Variants in LRRC37A2 observed in about 807,000 individuals in gnomAD.
LRRC37A2 encodes leucine-rich repeat-containing protein 37A2.
A neutral mutation model predicts 68.8 loss-of-function variants in LRRC37A2; 9 were observed. The observed-to-expected ratio is 0.13, with a 90% confidence interval of 0.08 to 0.23. LRRC37A2 has a LOEUF of 0.23. Ranked by LOEUF, LRRC37A2 falls within the 10% of genes least tolerant of loss-of-function variation. LRRC37A2 has a pLI of 1.00. For synonymous variants in LRRC37A2, 63 were observed against 367.6 expected (o/e 0.17, Z 9.48); for missense variants, 168 against 950.4 (o/e 0.18, Z 10.82).
the LRRC37A2 span, chr17:46,851,537 G>A: frequency 8.9e-6 from 5 of 562,874 alleles, no homozygotes; most frequent in Non-Finnish European, 1.3e-5. This position sits in a 1 kb window ranked among gnomAD's most constrained non-coding sequence, Gnocchi z 4.3. Context: ...AGCGCCGCCT[G>A]CCCCGCCCCA....
chr17:46,868,566 A>G, the LRRC37A2 span, among the ~76,000 whole-genome samples: 6 of 152,232 alleles, frequency 3.9e-5, no homozygotes, highest in African/African-American at 1.4e-4. Flanking sequence ...ACTGCACTCC[A>G]GCCTGGGTGA....
At chr17:47,027,586 T>C in the LRRC37A2 span, 22 of 1,356,728 alleles carry the variant, frequency 1.6e-5, no homozygotes, top group Admixed American at 5.1e-5. Context: ...ATACAGTCTA[T>C]TGAAAGACAT....
chr17:46,773,443 CCTT>C, the LRRC37A2 span, among the ~76,000 whole-genome samples: 83 of 152,286 alleles, frequency 5.5e-4, no homozygotes, highest in African/African-American at 1.9e-3. Context: ...AAGTCTGTGG[CCTT>C]CTTGGTGTCG....
the LRRC37A2 span, among the ~76,000 whole-genome samples, chr17:46,905,718 G>A: frequency 6.6e-6 from 1 of 152,030 alleles, no homozygotes; most frequent in Non-Finnish European, 1.5e-5. Context: ...GCCTGGAACA[G>A]CCCCCTGGAA....
chr17:47,022,648 T>G, the LRRC37A2 span, among the ~76,000 whole-genome samples: 1 of 152,240 alleles, frequency 6.6e-6, no homozygotes, highest in East Asian at 1.9e-4. Flanking sequence ...GTTTTGTGGT[T>G]TTTAAAATTT....
the LRRC37A2 span, among the ~76,000 whole-genome samples, chr17:46,879,475 C>T: frequency 6.6e-6 from 1 of 152,364 alleles, no homozygotes; most frequent in African/African-American, 2.4e-5. Flanking sequence ...ATGATAATGA[C>T]AACGAGAATT....
the LRRC37A2 span, among the ~76,000 whole-genome samples, chr17:46,903,696 T>C: frequency 6.7e-6 from 1 of 149,512 alleles, no homozygotes; most frequent in Non-Finnish European, 1.5e-5. Flanking sequence ...TATGGGTGGG[T>C]GGCTTAATGG....
At chr17:46,971,492 A>G in the LRRC37A2 span, among the ~76,000 whole-genome samples, 1 of 152,116 alleles carries the variant, frequency 6.6e-6, no homozygotes, top group African/African-American at 2.4e-5. Context: ...GCCCCACCCT[A>G]GCCTGGCCTA....
chr17:47,002,789 C>A, the LRRC37A2 span, among the ~76,000 whole-genome samples: 1 of 151,864 alleles, frequency 6.6e-6, no homozygotes, highest in Non-Finnish European at 1.5e-5. Context: ...TTTTTGTACC[C>A]ATTAACCATC....
the LRRC37A2 span, among the ~76,000 whole-genome samples, chr17:46,891,086 A>AG: frequency 0.046 from 7,026 of 152,190 alleles, 233 homozygotes; most frequent in African/African-American, 0.088. Context: ...GAGAGACAGG[A>AG]GGGCGACCCC....
At chr17:46,621,325 T>C in the LRRC37A2 span, among the ~76,000 whole-genome samples, 1 of 140,762 alleles carries the variant, frequency 7.1e-6, no homozygotes. Flanking sequence ...CTCGCTCTGT[T>C]GCCCAGACTG....
At chr17:46,898,251 T>G in the LRRC37A2 span, among the ~76,000 whole-genome samples, 4 of 151,868 alleles carry the variant, frequency 2.6e-5, no homozygotes, top group East Asian at 3.9e-4. Context: ...CCTCCCACCC[T>G]CCCCCAGCCA....
chr17:46,919,002 C>T, the LRRC37A2 span, among the ~76,000 whole-genome samples: 3 of 152,180 alleles, frequency 2.0e-5, no homozygotes. Flanking sequence ...CCCTCCTTGT[C>T]ATCCCACAGT....
At chr17:46,608,154 C>CA in the LRRC37A2 span, among the ~76,000 whole-genome samples, 8 of 112,228 alleles carry the variant, frequency 7.1e-5, 2 homozygotes, top group Admixed American at 2.1e-4. Flanking sequence ...ACTAAAAATA[C>CA]AAAAAATTAG....
the LRRC37A2 span, among the ~76,000 whole-genome samples, chr17:46,789,315 C>T: frequency 6.6e-5 from 10 of 152,194 alleles, no homozygotes; most frequent in Admixed American, 5.9e-4. Context: ...AAGGACAGTC[C>T]CTGACCAGCT....
chr17:46,944,469 G>T, the LRRC37A2 span, among the ~76,000 whole-genome samples: 1 of 152,186 alleles, frequency 6.6e-6, no homozygotes, highest in Non-Finnish European at 1.5e-5. Context: ...GATTCCAGAG[G>T]TCTGAGGCAG....
At chr17:46,965,311 TG>T in the LRRC37A2 span, among the ~76,000 whole-genome samples, 1 of 152,232 alleles carries the variant, frequency 6.6e-6, no homozygotes, top group East Asian at 1.9e-4. Context: ...GCATCCTCCC[TG>T]GTGCCCTGCT....
At chr17:46,723,394 C>T in the LRRC37A2 span, among the ~76,000 whole-genome samples, 3 of 152,300 alleles carry the variant, frequency 2.0e-5, no homozygotes, top group Non-Finnish European at 2.9e-5. Context: ...ACATTGGCTG[C>T]GGTTCCATCT....
the LRRC37A2 span, among the ~76,000 whole-genome samples, chr17:46,690,663 T>G: frequency 8.8e-6 from 1 of 113,948 alleles, no homozygotes; most frequent in Non-Finnish European, 1.8e-5. Flanking sequence ...TGGGAAAGGG[T>G]TTAAAATAAT....
Sources: allele counts gnomAD v4.1 joint callset (sites outside exome capture counted in the v4.1 genomes callset), GRCh38; gene constraint gnomAD v4.1.1; non-coding constraint Gnocchi (gnomAD v3.1); transcripts MANE v1.5; gene names NCBI Gene and HGNC (gene_info 2026-07-23, HGNC 2026-07-21).